The following GRID2 variants were observed in gnomAD, a reference collection of about 807,000 sequenced individuals.
The protein encoded by GRID2 is glutamate ionotropic receptor delta type subunit 2.
A neutral mutation model predicts 114.8 loss-of-function variants in GRID2; 33 were observed. The ratio of observed to expected loss-of-function variants is 0.29; its 90% CI spans 0.22 to 0.38. GRID2 has a LOEUF of 0.38. GRID2 is among the 10% of genes least tolerant of loss of function. The pLI, the probability that GRID2 is intolerant of heterozygous loss-of-function variation, is 1.00. For synonymous variants in GRID2, 505 were observed against 449.9 expected (o/e 1.12, Z -1.55); for missense variants, 1,184 against 1,257.7 (o/e 0.94, Z 0.89).
At chr4:92,623,938 C>A (rs1189091992) in intron 2 of GRID2, among the ~76,000 whole-genome samples, 2 of 151,756 alleles carry the variant, frequency 1.3e-5, no homozygotes, top group Non-Finnish European at 1.5e-5. Flanking sequence ...CACACATATA[C>A]ACACAATGAC....
At chr4:93,733,084 G>A (rs1730630904) in intron 14 of GRID2, among the ~76,000 whole-genome samples, 1 of 152,110 alleles carries the variant, frequency 6.6e-6, no homozygotes, top group Non-Finnish European at 1.5e-5. Flanking sequence ...TTAAGAATTT[G>A]ATAATTTTTA....
intron 8 of GRID2, among the ~76,000 whole-genome samples, chr4:93,387,829 C>CA (rs11453782): frequency 0.34 from 34,027 of 98,792 alleles, 5,391 homozygotes; most frequent in African/African-American, 0.51. Flanking sequence ...GACTCTGTCT[C>CA]AAAAAAAAAA....
At chr4:92,899,380 G>A (rs1747398958) in intron 2 of GRID2, among the ~76,000 whole-genome samples, 1 of 151,974 alleles carries the variant, frequency 6.6e-6, no homozygotes, top group African/African-American at 2.4e-5. Context: ...CAGGATACAG[G>A]CTTCCAACAA....
intron 4 of GRID2, among the ~76,000 whole-genome samples, chr4:93,194,018 A>G (rs766536964): frequency 1.6e-4 from 24 of 152,200 alleles, no homozygotes; most frequent in Non-Finnish European, 2.9e-4. Flanking sequence ...TTTTCTCTTT[A>G]TCTGCCTGGA....
chr4:92,867,747 T>A (rs920487695), intron 2 of GRID2, among the ~76,000 whole-genome samples: 1 of 152,214 alleles, frequency 6.6e-6, no homozygotes, highest in Non-Finnish European at 1.5e-5. Flanking sequence ...GCTATTGTCC[T>A]GTTTGTTGAA....
chr4:93,697,077 C>T (rs1363626734), intron 14 of GRID2, among the ~76,000 whole-genome samples: 2 of 152,040 alleles, frequency 1.3e-5, no homozygotes, highest in East Asian at 3.8e-4. Flanking sequence ...TAAGATTATT[C>T]AATGGTTTTA....
intron 11 of GRID2, among the ~76,000 whole-genome samples, chr4:93,489,620 T>A (rs1034718365): frequency 8.6e-5 from 13 of 151,802 alleles, no homozygotes; most frequent in African/African-American, 2.9e-4. Context: ...GTCAAAGATG[T>A]CATCTTTGAA....
chr4:92,614,190 C>G (rs939763162), intron 2 of GRID2, among the ~76,000 whole-genome samples: 1 of 151,514 alleles, frequency 6.6e-6, no homozygotes, highest in Non-Finnish European at 1.5e-5. Context: ...CCTGCCTCCT[C>G]TCTACACGTT....
intron 1 of GRID2, among the ~76,000 whole-genome samples, chr4:92,465,397 C>G (rs1288580192): frequency 6.6e-6 from 1 of 151,934 alleles, no homozygotes; most frequent in Non-Finnish European, 1.5e-5. Flanking sequence ...TATGACAAAA[C>G]TGAAAAATGG....
chr4:92,716,273 G>A (rs750113940), intron 2 of GRID2, among the ~76,000 whole-genome samples: 8 of 152,218 alleles, frequency 5.3e-5, no homozygotes, highest in Middle Eastern at 3.4e-3. Flanking sequence ...TTGACTTTCT[G>A]CAAAGACTTT....
intron 8 of GRID2, chr4:93,318,500 T>A (rs1756911321): frequency 6.6e-6 from 1 of 152,088 alleles, no homozygotes; most frequent in East Asian, 1.9e-4. Flanking sequence ...CAAAAAGTAA[T>A]TTGCTGAATG....
At chr4:93,471,725 G>GTTTTTTTTT (rs1724842143) in intron 11 of GRID2, among the ~76,000 whole-genome samples, 1 of 25,716 alleles carries the variant, frequency 3.9e-5, no homozygotes, top group Non-Finnish European at 8.7e-5. Flanking sequence ...TGGAGACGGA[G>GTTTTTTTTT]TTTTTGCTCT....
intron 2 of GRID2, among the ~76,000 whole-genome samples, chr4:92,850,075 T>C (rs899432254): frequency 6.6e-6 from 1 of 151,322 alleles, no homozygotes; most frequent in Admixed American, 6.6e-5. Flanking sequence ...GCATGTTTTA[T>C]ATTTCATACA....
chr4:92,526,729 T>C (rs1165205306), intron 1 of GRID2, among the ~76,000 whole-genome samples: 1 of 135,554 alleles, frequency 7.4e-6, no homozygotes, highest in Non-Finnish European at 1.7e-5. Context: ...ATTGGCCACA[T>C]GCACACACAC....
intron 2 of GRID2, among the ~76,000 whole-genome samples, chr4:93,036,006 T>A (rs1724899573): frequency 6.6e-6 from 1 of 152,140 alleles, no homozygotes; most frequent in Non-Finnish European, 1.5e-5. Context: ...CCAGGAAGCT[T>A]TTAAAAGTTG....
chr4:93,464,704 A>C (rs2149425363), intron 11 of GRID2, among the ~76,000 whole-genome samples: 1 of 152,266 alleles, frequency 6.6e-6, no homozygotes, highest in African/African-American at 2.4e-5. Context: ...TTTTGTGTCA[A>C]AATTTAACAA....
intron 13 of GRID2, among the ~76,000 whole-genome samples, chr4:93,601,864 T>A (rs1179659055): frequency 6.6e-6 from 1 of 152,298 alleles, no homozygotes; most frequent in South Asian, 2.1e-4. Flanking sequence ...AACACTATTA[T>A]ATTACACCTT....
intron 1 of GRID2, among the ~76,000 whole-genome samples, chr4:93,788,742 A>C (rs554856370): frequency 2.4e-4 from 37 of 152,322 alleles, no homozygotes; most frequent in African/African-American, 8.7e-4. Context: ...TCACAACTTA[A>C]CCTGTCAAAA....
rs528408716 is a variant in GRID2, at chr4:93,788,087, C to T, written c.222-18628C>T. 2.4e-3 allele frequency among the ~76,000 whole-genome samples: 369 copies of T among 152,114 alleles called. 4 individuals are homozygous for T. The highest frequency in any genetic ancestry group is 0.014 in the Middle Eastern group (4 of 294). On this transcript the variant is annotated intron_variant, in intron 1 of 1. Coordinates refer to the GRID2 transcript ENST00000637838. ...ATCCCAGCACTTTAGGAGGCCGAGG[C>T]GGGTGGATCACCTGAGGTCAGGAGT...
Sources: allele counts gnomAD v4.1 joint callset (sites outside exome capture counted in the v4.1 genomes callset), GRCh38; gene constraint gnomAD v4.1.1; transcripts MANE v1.5; gene names NCBI Gene and HGNC (gene_info 2026-07-23, HGNC 2026-07-21).